ESRRG: variants seen among roughly 807,000 people sequenced by gnomAD.
ESRRG encodes estrogen related receptor gamma.
In ESRRG, 13 loss-of-function variants were observed where a neutral mutation model predicts 44.0. That is an observed-to-expected ratio of 0.30 (90% CI 0.19 to 0.47). ESRRG has a LOEUF of 0.47. Ranked by LOEUF, ESRRG falls within the 20% of genes least tolerant of loss-of-function variation. The pLI, the probability that ESRRG is intolerant of heterozygous loss-of-function variation, is 1.00. For synonymous variants in ESRRG, 215 were observed against 214.6 expected (o/e 1.00, Z -0.02); for missense variants, 395 against 580.6 (o/e 0.68, Z 3.29).
upstream of ESRRG, among the ~76,000 whole-genome samples, chr1:216,727,984 GT>G (rs1163799949): frequency 6.6e-6 from 1 of 152,064 alleles, no homozygotes; most frequent in Non-Finnish European, 1.5e-5. Flanking sequence ...TTTCACCTTC[GT>G]TTTGTCAAAC....
chr1:216,891,813 T>A (rs1182337982), intron 2 of ESRRG, among the ~76,000 whole-genome samples: 1 of 149,408 alleles, frequency 6.7e-6, no homozygotes, highest in Non-Finnish European at 1.5e-5. Context: ...TTTTTTTTTT[T>A]TTTTGAGATG....
Position 216,882,219 on chromosome 1 carries a change from C to T in ESRRG, c.-14+57363G>A, listed in dbSNP as rs2096458586. Among the ~76,000 whole-genome samples the T allele has an allele frequency of 2.0e-5, 3 of 152,128 alleles. 1 individual carries two copies. The highest frequency in any genetic ancestry group is 2.0e-4 in the Admixed American group (3 of 15,256). ...ATGGGTGCATAGCCAGGACCTTGAG[C>T]TATACATTCCTTGATTTATTCACTT... On this transcript the variant is annotated intron_variant, in intron 2 of 7. Coordinates refer to the ESRRG transcript ENST00000359162.
intron 1 of ESRRG, among the ~76,000 whole-genome samples, chr1:216,954,292 T>A (rs535250094): frequency 1.3e-5 from 2 of 152,076 alleles, no homozygotes; most frequent in African/African-American, 2.4e-5. Flanking sequence ...ACACAGCCCC[T>A]CTCCACTGAA....
At chr1:217,005,288 T>A (rs1187194570) in intron 1 of ESRRG, among the ~76,000 whole-genome samples, 1 of 152,124 alleles carries the variant, frequency 6.6e-6, no homozygotes, top group Non-Finnish European at 1.5e-5. Flanking sequence ...ACCAGAGCGG[T>A]AGATGATTAG....
At chr1:217,118,118 A>C (rs576545738) in intron 1 of ESRRG, among the ~76,000 whole-genome samples, 19 of 152,314 alleles carry the variant, frequency 1.2e-4, no homozygotes, top group African/African-American at 2.6e-4. Flanking sequence ...CAACAACCCT[A>C]TGCAATAAGT....
chr1:216,912,271 G>T (rs2060560292), intron 2 of ESRRG, among the ~76,000 whole-genome samples: 1 of 133,120 alleles, frequency 7.5e-6, no homozygotes, highest in African/African-American at 2.8e-5. Context: ...GAGAGGGGAG[G>T]GGAGGAGAGG....
chr1:216,620,757 T>C (rs555449560), intron 3 of ESRRG, among the ~76,000 whole-genome samples: 2 of 152,198 alleles, frequency 1.3e-5, no homozygotes, highest in African/African-American at 4.8e-5. Context: ...GGTGCATTGC[T>C]GATAGGTGGC....
chr1:217,018,563 C>T (rs990179996), intron 1 of ESRRG, among the ~76,000 whole-genome samples: 1 of 152,130 alleles, frequency 6.6e-6, no homozygotes, highest in Non-Finnish European at 1.5e-5. Context: ...TCCCCATCCA[C>T]AAAGCCCATA....
intron 3 of ESRRG, among the ~76,000 whole-genome samples, chr1:216,618,656 T>A (rs1857408): frequency 0.41 from 61,816 of 152,116 alleles, 13,444 homozygotes; most frequent in Middle Eastern, 0.51. Flanking sequence ...TGATTTTCAC[T>A]GCATCTTAGA....
intron 2 of ESRRG, among the ~76,000 whole-genome samples, chr1:216,795,424 A>G (rs779724355): frequency 6.8e-6 from 1 of 146,000 alleles, no homozygotes; most frequent in Non-Finnish European, 1.5e-5. Context: ...GCTCACTGCA[A>G]CAGCCCCCTT....
At chr1:216,868,076 A>G (rs1197290170) in intron 2 of ESRRG, among the ~76,000 whole-genome samples, 1 of 111,642 alleles carries the variant, frequency 9.0e-6, no homozygotes, top group Non-Finnish European at 1.8e-5. Flanking sequence ...GTGTATATTG[A>G]TCCTTTTTTT....
chr1:216,663,362 G>A (rs2073048686), intron 2 of ESRRG, among the ~76,000 whole-genome samples: 1 of 152,028 alleles, frequency 6.6e-6, no homozygotes, highest in Non-Finnish European at 1.5e-5. Flanking sequence ...TAAATAGTAT[G>A]CACTGAAAAG....
intron 1 of ESRRG, among the ~76,000 whole-genome samples, chr1:216,954,096 G>T (rs2067485111): frequency 6.6e-6 from 1 of 151,798 alleles, no homozygotes; most frequent in Admixed American, 6.6e-5. Flanking sequence ...TCACTTAATT[G>T]TCATCTTGGT....
intron 3 of ESRRG, among the ~76,000 whole-genome samples, chr1:216,609,590 A>C (rs555411490): frequency 6.6e-6 from 1 of 152,342 alleles, no homozygotes; most frequent in South Asian, 2.1e-4. Flanking sequence ...TTATGAAAAA[A>C]TGAAAAGTAG....
chr1:216,761,902 G>T (rs2092797594), intron 2 of ESRRG, among the ~76,000 whole-genome samples: 1 of 152,000 alleles, frequency 6.6e-6, no homozygotes, highest in Non-Finnish European at 1.5e-5. Flanking sequence ...ACACCCTGAG[G>T]GTGTATATAT....
At chr1:216,681,487 C>A (rs553054557) in intron 1 of ESRRG, among the ~76,000 whole-genome samples, 104 of 152,122 alleles carry the variant, frequency 6.8e-4, no homozygotes, top group African/African-American at 2.4e-3. Context: ...TGTTCCCCTT[C>A]CTGCATGAGA....
intron 1 of ESRRG, among the ~76,000 whole-genome samples, chr1:216,956,662 T>C (rs1194453968): frequency 6.6e-6 from 1 of 152,172 alleles, no homozygotes; most frequent in Non-Finnish European, 1.5e-5. Context: ...AAAAAGATTG[T>C]CTTGTGGTGA....
chr1:216,551,374 T>C (rs1248601807), intron 5 of ESRRG, among the ~76,000 whole-genome samples: 1 of 152,146 alleles, frequency 6.6e-6, no homozygotes, highest in African/African-American at 2.4e-5. Flanking sequence ...ACTGAATTTA[T>C]AAAGCTTATT....
At chr1:216,917,131 G>T (rs1024385004) in intron 2 of ESRRG, among the ~76,000 whole-genome samples, 1 of 149,568 alleles carries the variant, frequency 6.7e-6, no homozygotes, top group Non-Finnish European at 1.5e-5. Flanking sequence ...TCAGCATACA[G>T]TCTCTCCAGC....
Sources: allele counts gnomAD v4.1 joint callset (sites outside exome capture counted in the v4.1 genomes callset), GRCh38; gene constraint gnomAD v4.1.1; transcripts MANE v1.5; gene names NCBI Gene and HGNC (gene_info 2026-07-23, HGNC 2026-07-21).